Variants in PCDHA2 observed in about 807,000 individuals in gnomAD.
PCDHA2 encodes the protein protocadherin alpha-2.
Under a neutral mutation model 66.0 loss-of-function variants are expected in PCDHA2, and 58 were observed. The observed-to-expected ratio is 0.88, with a 90% CI of 0.71 to 1.09. The LOEUF is 1.09. Ranked by LOEUF, PCDHA2 falls within the 50% of genes least tolerant of loss-of-function variation. The pLI is 0.00. For missense variants in PCDHA2, 1,267 were observed against 1,242.3 expected (o/e 1.02, Z -0.30); for synonymous variants, 634 against 554.0 (o/e 1.14, Z -2.03).
Position 140,838,073 on chromosome 5 carries a change from ATATAGTGTGTGT to A in PCDHA2, c.2388+40722_2388+40733del, listed in dbSNP as rs1161120523. Among the ~76,000 whole-genome samples the A allele has an allele frequency of 1.4e-3, 180 of 126,834 alleles. 3 individuals are homozygous for A. Among genetic ancestry groups the A allele is most frequent in the South Asian group, 4.9e-3 (18 of 3,638 alleles). The allele number at this position is 126,834 out of a possible 152,430, so 83.2% of individuals were successfully genotyped here. ...TGGTTTTCCACTTTAAGTTATATATATATAGTGTGTGTGTGTGTGTGTGTGTGTGTGTGTGTG... is the reference window on the plus strand; with the variant it reads ...TGGTTTTCCACTTTAAGTTATATATAGTGTGTGTGTGTGTGTGTGTGTGTG... On this transcript the variant is annotated intron_variant, in intron 1 of 3. Coordinates refer to ENST00000526136, the MANE Select transcript of PCDHA2 (RefSeq NM_018905.3).
intron 1 of PCDHA2, chr5:140,822,819 G>C: frequency 6.2e-7 from 1 of 1,614,174 alleles, no homozygotes; most frequent in South Asian, 1.1e-5. Context: ...ATACCCCAGA[G>C]ATGGCCATAA....
Position 141,010,322 on chromosome 5 carries a change from C to G in PCDHA2, c.*385C>G. 6.5e-7 allele frequency: 1 copy of G among 1,540,986 alleles called. No homozygotes were observed. The highest frequency in any genetic ancestry group is 8.7e-7 in the Non-Finnish European group (1 of 1,143,174). Reference sequence around the variant, plus strand: ...GCTGAAAAGTTTTGAGATTGAGCAGCTTGGGAGTTTGTGGCCACTGGGTAT... The same window carrying G: ...GCTGAAAAGTTTTGAGATTGAGCAGGTTGGGAGTTTGTGGCCACTGGGTAT... On this transcript the variant is annotated 3_prime_UTR_variant, in exon 4 of 4. Transcript: ENST00000526136.
intron 1 of PCDHA2, among the ~76,000 whole-genome samples, chr5:140,874,104 A>G (rs251376): frequency 0.45 from 68,940 of 152,128 alleles, 15,928 homozygotes; most frequent in South Asian, 0.58. Context: ...GTTTTTAATT[A>G]CTTAACGTTT....
intron 1 of PCDHA2, among the ~76,000 whole-genome samples, chr5:140,879,217 G>A (rs1163771659): frequency 6.6e-6 from 1 of 152,164 alleles, no homozygotes; most frequent in African/African-American, 2.4e-5. Context: ...GAAATGAATT[G>A]AAAAAGACAT....
Position 140,841,591 on chromosome 5 carries a change from C to A in PCDHA2, c.2388+44239C>A, listed in dbSNP as rs2150318680. On this transcript the variant is annotated intron_variant, in intron 1 of 3. Coordinates refer to ENST00000526136, the MANE Select transcript of PCDHA2 (RefSeq NM_018905.3). ...GCATTTTGTTTGTGAATTCTCGGAT[C>A]GACCGCGAGGAGCTGTGCGGGCGGA... The A allele has an allele frequency of 3.1e-6, 5 of 1,614,046 alleles. No individual in the cohort carries two copies. In the South Asian group the frequency reaches 5.5e-5, roughly 18 times the overall value.
In PCDHA2 at chr5:140,857,031, C is replaced by A. The variant is rs782539359; in HGVS notation, c.2388+59679C>A. 6 of 1,596,318 alleles carry A rather than the reference C, an allele frequency of 3.8e-6. No homozygotes were observed. The South Asian group carries it at 6.6e-5, about 18-fold the overall frequency. On this transcript the variant is annotated intron_variant, in intron 1 of 3. Coordinates refer to ENST00000526136, the MANE Select transcript of PCDHA2 (RefSeq NM_018905.3). The stretch of plus-strand genomic sequence containing the variant: ...GATGTTACAGATAAGGGAAACCCAC[C>A]TATGGTTGGTCACTGCACGGTCCTA...
chr5:140,836,404 A>G (rs2150259922), intron 1 of PCDHA2: 15 of 1,613,772 alleles, frequency 9.3e-6, no homozygotes, highest in Non-Finnish European at 1.2e-5. Flanking sequence ...GAAAGCGGCC[A>G]GGCACCAAAG....
At chr5:140,845,517 A>G (rs1554140912) in intron 1 of PCDHA2, among the ~76,000 whole-genome samples, 1 of 149,602 alleles carries the variant, frequency 6.7e-6, no homozygotes, top group Non-Finnish European at 1.5e-5. Context: ...TTTCTTGTAC[A>G]TTAATACTTT....
At chr5:140,877,761 C>T (rs2057326734) in intron 1 of PCDHA2, 4 of 1,614,180 alleles carry the variant, frequency 2.5e-6, no homozygotes, top group Non-Finnish European at 8.5e-7. Flanking sequence ...CTGCAGAGAG[C>T]CCGCCCAAGA....
intron 1 of PCDHA2, among the ~76,000 whole-genome samples, chr5:140,978,421 T>C (rs969808613): frequency 2.0e-5 from 3 of 152,236 alleles, no homozygotes; most frequent in Non-Finnish European, 4.4e-5. Flanking sequence ...AAAGAGACTG[T>C]TATCAGTTGC....
chr5:140,868,490 A>C (rs1383994336), intron 1 of PCDHA2: 1 of 152,330 alleles, frequency 6.6e-6, no homozygotes, highest in African/African-American at 2.4e-5. Flanking sequence ...TTTTTCTTTG[A>C]GTTCCCTAGC....
At chr5:140,801,442 G>A (rs782061266) in intron 1 of PCDHA2, 2 of 1,613,958 alleles carry the variant, frequency 1.2e-6, no homozygotes, top group Non-Finnish European at 1.7e-6. Context: ...CTGCAGAATG[G>A]CATTTTGTTT....
intron 1 of PCDHA2, chr5:140,877,144 G>A (rs543806401): frequency 1.9e-6 from 3 of 1,613,772 alleles, no homozygotes; most frequent in South Asian, 2.2e-5. Context: ...CGTGCTGGAC[G>A]AGAACGACAA....
At chr5:140,859,744 T>C (rs1554152696) in intron 1 of PCDHA2, 2 of 154,298 alleles carry the variant, frequency 1.3e-5, no homozygotes, top group African/African-American at 2.4e-5. Context: ...AAGCATGGCA[T>C]TCTTTCAGTG....
intron 1 of PCDHA2, chr5:140,802,540 T>C (rs782305354): frequency 1.7e-5 from 28 of 1,614,016 alleles, no homozygotes; most frequent in Non-Finnish European, 2.1e-5. Context: ...GTGGCCGACG[T>C]GAACGACAAT....
At chr5:140,970,156 T>G (rs933887683) in intron 1 of PCDHA2, among the ~76,000 whole-genome samples, 1 of 152,188 alleles carries the variant, frequency 6.6e-6, no homozygotes, top group Non-Finnish European at 1.5e-5. Flanking sequence ...CTCCCAATAG[T>G]CACCTTTCTT....
Position 141,011,434 on chromosome 5 carries a change from C to A in PCDHA2, c.*1497C>A, listed in dbSNP as rs934032017. 6.5e-6 allele frequency: 1 copy of A among 153,726 alleles called. No homozygotes were observed. Among genetic ancestry groups the A allele is most frequent in the African/African-American group, 2.4e-5 (1 of 41,446 alleles). The allele number at this position is 153,726 out of a possible 1,614,324, so 9.5% of individuals were successfully genotyped here. The stretch of plus-strand genomic sequence containing the variant: ...ATGTGAATGTTAATGCAACTATTAC[C>A]TAGAGTGAACTTTAAGCTTTATTGT... On this transcript the variant is annotated 3_prime_UTR_variant, in exon 4 of 4. Transcript: ENST00000526136.
At chr5:140,832,791 A>G (rs2150204193) in intron 1 of PCDHA2, among the ~76,000 whole-genome samples, 2 of 152,336 alleles carry the variant, frequency 1.3e-5, no homozygotes, top group South Asian at 4.1e-4. Context: ...AAGGTACATC[A>G]TAGTGTTATT....
rs1209791227 is a variant in PCDHA2, at chr5:140,923,921, C to A, written c.2389-55028C>A. Among the ~76,000 whole-genome samples, 3 of 152,180 alleles carry A rather than the reference C, an allele frequency of 2.0e-5. No individual in the cohort carries two copies. The East Asian group carries it at 5.8e-4, about 29-fold the overall frequency. On this transcript the variant is annotated intron_variant, in intron 1 of 3. Transcript: ENST00000526136. ...TTCTGTGAAGATTTCCCATACTGTT[C>A]TCTGTATGCATTTTTCCTTTTTTCC...
Sources: allele counts gnomAD v4.1 joint callset (sites outside exome capture counted in the v4.1 genomes callset), GRCh38; gene constraint gnomAD v4.1.1; transcripts MANE v1.5; gene names NCBI Gene and HGNC (gene_info 2026-07-23, HGNC 2026-07-21).